Variants in DUSP11 observed in about 807,000 individuals in gnomAD.
DUSP11 encodes the protein dual specificity phosphatase 11, also known as RNA/RNP complex-1-interacting phosphatase.
Under a neutral mutation model 41.4 loss-of-function variants are expected in DUSP11, and 27 were observed. The observed-to-expected ratio is 0.65, with a 90% CI of 0.48 to 0.90. The LOEUF (loss-of-function observed/expected upper bound fraction) is 0.90, where lower values mean the gene tolerates loss of function less well. Ranked by LOEUF, DUSP11 falls within the 40% of genes least tolerant of loss-of-function variation. The pLI is 0.00. For synonymous variants in DUSP11, 188 were observed against 159.3 expected (o/e 1.18, Z -1.35); for missense variants, 465 against 461.1 (o/e 1.01, Z -0.08).
rs1160864537 is a variant in DUSP11 at position 73,778,293 on chromosome 2, T to C, written c.318+8A>G. The C allele has an allele frequency of 1.9e-6, 3 of 1,572,892 alleles. No individual in the cohort carries two copies. The highest frequency in any genetic ancestry group is 8.6e-7 in the Non-Finnish European group (1 of 1,161,950). Reference sequence around the variant, plus strand: ...GCCTGAAAGAATACTGAATTAACTTTTGCTTACCTTTTGCAAAGGAACTTT... The same window carrying C: ...GCCTGAAAGAATACTGAATTAACTTCTGCTTACCTTTTGCAAAGGAACTTT... On this transcript the variant is annotated splice_region_variant and intron_variant, in intron 2 of 8. Coordinates refer to ENST00000272444, the Ensembl canonical transcript of DUSP11.
chr2:73,779,557 A>C, intron 1 of DUSP11: 3 of 374,058 alleles, frequency 8.0e-6, no homozygotes, highest in Non-Finnish European at 9.9e-6. Context: ...GTAACAAGGA[A>C]TTGAGGAGGT....
chr2:73,774,962 A>C, exon 3 of DUSP11: 1 of 1,612,428 alleles, frequency 6.2e-7, no homozygotes, highest in Non-Finnish European at 8.5e-7. Flanking sequence ...AATCAGTCCA[A>C]GTTCTTCATT....
chr2:73,774,085 G>C (rs1672635287), intron 3 of DUSP11, among the ~76,000 whole-genome samples, 162 bp from the exon 4 acceptor site: 1 of 152,110 alleles, frequency 6.6e-6, no homozygotes, highest in South Asian at 2.1e-4. Context: ...TTCCAACACT[G>C]CTTCAACCAG....
chr2:73,770,196 A>G (rs1173052770), intron 4 of DUSP11, among the ~76,000 whole-genome samples: 1 of 151,396 alleles, frequency 6.6e-6, no homozygotes, highest in Non-Finnish European at 1.5e-5. Flanking sequence ...TCAAAAAAAA[A>G]AAAAAGAAAG....
chr2:73,774,398 G>T (rs970680992), intron 3 of DUSP11, among the ~76,000 whole-genome samples: 6 of 152,080 alleles, frequency 3.9e-5, no homozygotes, highest in African/African-American at 2.4e-5. Flanking sequence ...GACAGAAGAG[G>T]CTAAGTCAAA....
chr2:73,779,717 C>T, intron 1 of DUSP11, 157 bp downstream of exon 1: 1 of 1,128,592 alleles, frequency 8.9e-7, no homozygotes, highest in South Asian at 1.6e-5. Flanking sequence ...CCCCTTTCAG[C>T]TACAGCGGGT....
At chr2:73,764,035 T>C (rs985136353) in intron 8 of DUSP11, among the ~76,000 whole-genome samples, 10 of 152,336 alleles carry the variant, frequency 6.6e-5, no homozygotes, top group Admixed American at 5.2e-4. Flanking sequence ...GCAAAACATA[T>C]ACTACTGTAT....
chr2:73,769,309 G>A (rs1401193199), exon 5 of DUSP11: 1 of 1,612,944 alleles, frequency 6.2e-7, no homozygotes, highest in Admixed American at 1.7e-5. Flanking sequence ...GGGTACAGTG[G>A]ACACCAATAA....
At chr2:73,768,331 A>T in intron 5 of DUSP11, 1 of 381,166 alleles carries the variant, frequency 2.6e-6, no homozygotes, top group Non-Finnish European at 3.6e-6. Flanking sequence ...TTTAATATCT[A>T]CTCCCTCCCT....
At chr2:73,768,692 C>T in intron 5 of DUSP11, 1 of 984,970 alleles carries the variant, frequency 1.0e-6, no homozygotes, top group Non-Finnish European at 1.2e-6. Context: ...CGCGGTGGCT[C>T]ACTCCTGTAA....
Position 73,780,108 on chromosome 2 carries a change from T to C in DUSP11, c.8A>G (p.Asn3Ser), listed in dbSNP as rs1215449181. The change falls in exon 1 of 9, where the codon AAT (asparagine) becomes AGT (serine). Residue 3 changes from asparagine (N) to serine (S), a missense_variant. By Grantham distance (46) the Asn-to-Ser change is conservative. Transcript: ENST00000272444. ...TACGCCGCGCTCCAGCGTCTCGCTATTGCGCATGTGCCACCGCCGGTCGTG... is the reference window on the plus strand; with the variant it reads ...TACGCCGCGCTCCAGCGTCTCGCTACTGCGCATGTGCCACCGCCGGTCGTG... 3 of 1,558,870 alleles carry C rather than the reference T, an allele frequency of 1.9e-6. No individual in the cohort carries two copies. The highest frequency in any genetic ancestry group is 2.6e-6 in the Non-Finnish European group (3 of 1,150,622).
exon 3 of DUSP11, chr2:73,774,927 A>C: frequency 6.3e-7 from 1 of 1,590,716 alleles, no homozygotes. Flanking sequence ...GGTTTATAAT[A>C]GCGTTGAGTA....
At chr2:73,771,846 G>A (rs13033744) in intron 4 of DUSP11, among the ~76,000 whole-genome samples, 90,398 of 142,256 alleles carry the variant, frequency 0.64, 28,294 homozygotes, top group Middle Eastern at 0.72. Context: ...TTTGAGACAG[G>A]GTCTTGCTCT....
chr2:73,780,027 C>G, exon 1 of DUSP11: 2 of 1,614,042 alleles, frequency 1.2e-6, no homozygotes, highest in South Asian at 1.1e-5. Flanking sequence ...AAGCGCCAGT[C>G]CGGCGCCCTC....
At chr2:73,780,041 G>A in exon 1 of DUSP11, 4 of 1,613,294 alleles carry the variant, frequency 2.5e-6, no homozygotes, top group Non-Finnish European at 3.4e-6. Context: ...CGCCCTCAAT[G>A]CCAGGATAAG....
At chr2:73,770,000 T>C (rs1672540648) in intron 4 of DUSP11, among the ~76,000 whole-genome samples, 1 of 152,164 alleles carries the variant, frequency 6.6e-6, no homozygotes. Context: ...GTGTAGTTTA[T>C]CTTTGCAAAA....
chr2:73,767,129 A>G (rs1447857795), intron 6 of DUSP11, 32 bp downstream of exon 6: 2 of 1,582,438 alleles, frequency 1.3e-6, no homozygotes, highest in Admixed American at 3.5e-5. Context: ...ACTTTAATAA[A>G]AGGGAAAAAT....
At chr2:73,762,605 C>T in exon 9 of DUSP11, 1 of 1,375,618 alleles carries the variant, frequency 7.3e-7, no homozygotes, top group Non-Finnish European at 1.0e-6. Flanking sequence ...AAAAGTCACA[C>T]CAGTAATTTT....
exon 2 of DUSP11, chr2:73,778,324 C>T: frequency 6.4e-7 from 1 of 1,563,836 alleles, no homozygotes; most frequent in East Asian, 2.4e-5. Context: ...ACTTTGAAAG[C>T]AATGAAACGA....
Sources: gnomAD v4.1 joint callset for allele counts (sites outside exome capture counted in the v4.1 genomes callset) on GRCh38, gnomAD v4.1.1 for gene constraint, MANE v1.5 for transcripts, NCBI Gene and HGNC (gene_info 2026-07-23, HGNC 2026-07-21) for gene names.